IPP: variants seen among roughly 807,000 people sequenced by gnomAD.
IPP encodes the protein actin-binding protein IPP.
IPP carries 41 observed loss-of-function variants against 64.1 expected under a neutral mutation model. The observed-to-expected ratio is 0.64, with a 90% CI of 0.50 to 0.83. The LOEUF (loss-of-function observed/expected upper bound fraction) is 0.83, where lower values mean the gene tolerates loss of function less well. Among genes scored for constraint, IPP ranks in the 40% least tolerant of loss-of-function variants. The pLI is 0.00. For synonymous variants in IPP, 214 were observed against 235.2 expected (o/e 0.91, Z 0.83); for missense variants, 649 against 703.0 (o/e 0.92, Z 0.87).
chr1:45,717,275 C>A (rs2148559325), intron 6 of IPP, among the ~76,000 whole-genome samples: 1 of 145,124 alleles, frequency 6.9e-6, no homozygotes, highest in African/African-American at 2.5e-5. Flanking sequence ...CCCTATTTTT[C>A]ACTAAAGACT....
intron 8 of IPP, 54 bp downstream of exon 8, chr1:45,714,192 T>C: frequency 1.6e-6 from 2 of 1,272,540 alleles, no homozygotes; most frequent in Non-Finnish European, 2.3e-6. Flanking sequence ...CCACAGATCT[T>C]ACAGACATTA....
intron 3 of IPP, among the ~76,000 whole-genome samples, chr1:45,738,968 A>G (rs1217589670): frequency 6.6e-6 from 1 of 152,096 alleles, no homozygotes; most frequent in Non-Finnish European, 1.5e-5. Flanking sequence ...CCTAGGAGCA[A>G]TTGTTCAGTA....
intron 8 of IPP, among the ~76,000 whole-genome samples, chr1:45,702,164 C>T (rs1004072559): frequency 6.6e-6 from 1 of 152,096 alleles, no homozygotes; most frequent in Non-Finnish European, 1.5e-5. Flanking sequence ...ACAAAGGGAC[C>T]TTAGGGCTCA....
At chr1:45,749,784 T>C (rs1301091342) in intron 1 of IPP, among the ~76,000 whole-genome samples, 1 of 151,872 alleles carries the variant, frequency 6.6e-6, no homozygotes, top group African/African-American at 2.4e-5. Flanking sequence ...CCTCCCAAAG[T>C]GCTGGGATTA....
chr1:45,744,986 A>T (rs1440007053), intron 2 of IPP, among the ~76,000 whole-genome samples: 2 of 152,148 alleles, frequency 1.3e-5, no homozygotes, highest in East Asian at 3.8e-4. Context: ...ACTTGAGCCC[A>T]GGAGATTAAG....
chr1:45,719,600 G>A (rs539122387), intron 5 of IPP, among the ~76,000 whole-genome samples: 1 of 152,196 alleles, frequency 6.6e-6, no homozygotes, highest in South Asian at 2.1e-4. Context: ...AACAATCCAT[G>A]TAATGTTTTA....
intron 1 of IPP, among the ~76,000 whole-genome samples, chr1:45,747,336 G>A (rs77684005): frequency 6.6e-6 from 1 of 151,920 alleles, no homozygotes; most frequent in Admixed American, 6.6e-5. Context: ...CAATAATTAA[G>A]AGGTGAGAAG....
chr1:45,711,809 CAAAG>C (rs1309043985), intron 8 of IPP, among the ~76,000 whole-genome samples: 1 of 148,626 alleles, frequency 6.7e-6, no homozygotes, highest in Non-Finnish European at 1.5e-5. Flanking sequence ...AGATAAAAAT[CAAAG>C]AATCCATTCA....
At chr1:45,709,259 C>T (rs1220405759) in intron 8 of IPP, among the ~76,000 whole-genome samples, 1 of 150,042 alleles carries the variant, frequency 6.7e-6, no homozygotes, top group African/African-American at 2.4e-5. Flanking sequence ...GAGTGAAACC[C>T]CGTCTCTACT....
At chr1:45,725,690 G>T (rs976468119) in intron 5 of IPP, among the ~76,000 whole-genome samples, 1 of 133,468 alleles carries the variant, frequency 7.5e-6, no homozygotes, top group Non-Finnish European at 1.6e-5. Flanking sequence ...GATGGTTGCC[G>T]GGTCTGTGTG....
chr1:45,711,896 A>G (rs1026977534), intron 8 of IPP, among the ~76,000 whole-genome samples: 3 of 152,232 alleles, frequency 2.0e-5, no homozygotes, highest in Admixed American at 6.5e-5. Flanking sequence ...GCTAAACCTG[A>G]CAGAAATGAA....
chr1:45,711,977 A>C (rs1645596714), intron 8 of IPP, among the ~76,000 whole-genome samples: 1 of 152,094 alleles, frequency 6.6e-6, no homozygotes, highest in Non-Finnish European at 1.5e-5. Context: ...TGACAGAACA[A>C]TTGTGCAAGT....
chr1:45,714,973 A>T, intron 7 of IPP, among the ~76,000 whole-genome samples: 1 of 150,172 alleles, frequency 6.7e-6, no homozygotes, highest in Admixed American at 6.7e-5. Flanking sequence ...GTGGTTCACA[A>T]TCCCAGTACT....
rs116792274 is a variant in IPP at position 45,699,867 on chromosome 1, C to T, written c.*99G>A. On this transcript the variant is annotated 3_prime_UTR_variant, in exon 9 of 9. Transcript: ENST00000396478. ...ATCTACCAAATACATGGAAAACTCA[C>T]AGAATCAGAGGGTCTTATCACCAAA... is the stretch of plus-strand genomic sequence containing the variant. 0.03 allele frequency: 46,102 copies of T among 1,523,906 alleles called. 848 individuals carry two copies. The highest frequency in any genetic ancestry group is 0.037 in the Non-Finnish European group (41,954 of 1,139,116). 94.4% of individuals were successfully genotyped at this position (1,523,906 alleles called of 1,614,324 possible).
intron 8 of IPP, among the ~76,000 whole-genome samples, chr1:45,701,903 T>C (rs547311993): frequency 6.6e-6 from 1 of 152,246 alleles, no homozygotes; most frequent in South Asian, 2.1e-4. Context: ...TGAACTTAAA[T>C]AAGATTATGA....
At chr1:45,713,031 G>A (rs1000406623) in intron 8 of IPP, among the ~76,000 whole-genome samples, 1 of 151,998 alleles carries the variant, frequency 6.6e-6, no homozygotes, top group African/African-American at 2.4e-5. Context: ...AATTAAAGCA[G>A]TGCTTGAAGA....
chr1:45,744,499 C>T (rs1426746725), intron 2 of IPP, among the ~76,000 whole-genome samples: 1 of 151,988 alleles, frequency 6.6e-6, no homozygotes, highest in Non-Finnish European at 1.5e-5. Flanking sequence ...ATCAGCCTCC[C>T]GTTAGCTGGG....
chr1:45,727,956 T>G (rs1177649342), intron 4 of IPP, among the ~76,000 whole-genome samples, 158 bp from the exon 5 acceptor site: 1 of 152,212 alleles, frequency 6.6e-6, no homozygotes, highest in Non-Finnish European at 1.5e-5. Flanking sequence ...TGAAAGATTG[T>G]GGCTTAAATA....
chr1:45,719,157 A>G (rs1253044199), intron 6 of IPP, 46 bp downstream of exon 6: 1 of 1,592,120 alleles, frequency 6.3e-7, no homozygotes, highest in Admixed American at 1.7e-5. Flanking sequence ...AAAATTAAAA[A>G]TACATAAACA....
Sources: allele counts gnomAD v4.1 joint callset (sites outside exome capture counted in the v4.1 genomes callset), GRCh38; gene constraint gnomAD v4.1.1; transcripts MANE v1.5; gene names NCBI Gene and HGNC (gene_info 2026-07-23, HGNC 2026-07-21).